The following ANGPT4 variants were observed in gnomAD, a reference collection of about 807,000 sequenced individuals.
ANGPT4 encodes angiopoietin-4.
A neutral mutation model predicts 53.0 loss-of-function variants in ANGPT4; 50 were observed. The ratio of observed to expected loss-of-function variants is 0.94; its 90% confidence interval spans 0.75 to 1.20. The LOEUF (loss-of-function observed/expected upper bound fraction) is 1.20, where lower values mean the gene tolerates loss of function less well. ANGPT4 is among the 50% of genes most tolerant of loss of function. The probability of loss-of-function intolerance (pLI) is 0.00; values close to 1 mark genes in which losing one functional copy is unlikely to be tolerated. For missense variants in ANGPT4, 648 were observed against 637.1 expected (o/e 1.02, Z -0.18); for synonymous variants, 251 against 259.7 (o/e 0.97, Z 0.32).
chr20:878,445 A>G, intron 6 of ANGPT4, 118 bp from the exon 7 acceptor site: 1 of 1,017,752 alleles, frequency 9.8e-7, no homozygotes. Context: ...GTGCTTAATG[A>G]TCGAGTTCAT....
rs1455130365 is a variant in ANGPT4 at position 908,005 on chromosome 20, G to A, written c.309+7901C>T. On this transcript the variant is annotated intron_variant, in intron 1 of 8. Transcript: ENST00000381922. The surrounding 1 kb of genome is among the most constrained non-coding windows in gnomAD (Gnocchi z 4.9). ...CGAGCATTACTCACAGCTGGTAAAG[G>A]AAGATTTTTAACTTAATGGCTGAGC... is the stretch of plus-strand genomic sequence containing the variant. Among the ~76,000 whole-genome samples, 1 of 152,168 alleles carries A rather than the reference G, an allele frequency of 6.6e-6. No homozygotes were observed. Among genetic ancestry groups the A allele is most frequent in the Non-Finnish European group, 1.5e-5 (1 of 68,036 alleles).
chr20:905,954 A>G (rs1468603639), intron 1 of ANGPT4, among the ~76,000 whole-genome samples: 1 of 152,182 alleles, frequency 6.6e-6, no homozygotes, highest in Non-Finnish European at 1.5e-5. Context: ...ATCTTGCCTA[A>G]GTGGCAAAGA....
intron 3 of ANGPT4, among the ~76,000 whole-genome samples, chr20:887,614 C>T (rs1469675079): frequency 6.9e-6 from 1 of 144,680 alleles, no homozygotes; most frequent in Non-Finnish European, 1.5e-5. Flanking sequence ...GATTTTTCTG[C>T]TTTATCTAAA....
chr20:884,442 TG>T (rs1981528218), intron 4 of ANGPT4, among the ~76,000 whole-genome samples: 1 of 152,186 alleles, frequency 6.6e-6, no homozygotes, highest in Non-Finnish European at 1.5e-5. Context: ...ACACAGTAAG[TG>T]CTTAGTAAAT....
At chr20:895,550 C>A (rs756853681) in intron 1 of ANGPT4, among the ~76,000 whole-genome samples, 16 of 152,106 alleles carry the variant, frequency 1.1e-4, no homozygotes, top group Non-Finnish European at 2.1e-4. Context: ...TTTTCACAGG[C>A]AGGGGCTGGG....
chr20:900,721 C>T (rs6039126), intron 1 of ANGPT4, among the ~76,000 whole-genome samples: 50,888 of 152,002 alleles, frequency 0.33, 11,643 homozygotes, highest in African/African-American at 0.65. Flanking sequence ...AGGTTGTTTT[C>T]ACCTAAATCA....
In ANGPT4 at chr20:916,041, C is replaced by T; in HGVS notation, c.174G>A (p.Gly58=). ...TGTTGGAGTCCCTGGAGACCTCAGG[C>T]CCCGGAGGGCAGGGCTCAGACTTGG... The part of the protein sequence containing the change: ...LLPKSEPCPP[G]PEVSRDSNTL... The change falls in exon 1 of 9, where the codon GGG becomes GGA. Residue 58 remains glycine, a synonymous_variant. Transcript: ENST00000381922. 7 of 1,614,188 alleles carry T rather than the reference C, an allele frequency of 4.3e-6. No individual in the cohort carries two copies. The highest frequency in any genetic ancestry group is 5.9e-6 in the Non-Finnish European group (7 of 1,180,022).
At chr20:876,861 A>G (rs2122760363) in intron 7 of ANGPT4, among the ~76,000 whole-genome samples, 1 of 151,552 alleles carries the variant, frequency 6.6e-6, no homozygotes, top group Non-Finnish European at 1.5e-5. Flanking sequence ...AACCTGGGCA[A>G]CATAGGGAAA....
At chr20:878,365 G>A (rs1450203077) in intron 6 of ANGPT4, 38 bp from the exon 7 acceptor site, 7 of 1,565,646 alleles carry the variant, frequency 4.5e-6, no homozygotes, top group Non-Finnish European at 6.1e-6. Flanking sequence ...CTCATGCTGA[G>A]GAGGAGGCCA....
intron 1 of ANGPT4, among the ~76,000 whole-genome samples, chr20:909,497 T>A (rs1247608176): frequency 2.0e-5 from 3 of 152,178 alleles, no homozygotes; most frequent in African/African-American, 7.2e-5. Flanking sequence ...AAAAGGAAAC[T>A]ATAGTAAGAT....
rs1982828970 is a variant in ANGPT4, at chr20:914,266, A to T, written c.309+1640T>A. ...TTAGGTAGGGATAAGTTCTAAGAAA[A>T]AAAAACACAACAAAGCCAGCAGAGG... On this transcript the variant is annotated intron_variant, in intron 1 of 8. Coordinates refer to ENST00000381922, the MANE Select transcript of ANGPT4 (RefSeq NM_015985.4). This position sits in a 1 kb window ranked among gnomAD's most constrained non-coding sequence, Gnocchi z 5.0. Among the ~76,000 whole-genome samples the T allele has an allele frequency of 6.6e-6, 1 of 152,112 alleles. No homozygotes were observed. The highest frequency in any genetic ancestry group is 1.5e-5 in the Non-Finnish European group (1 of 68,006).
rs974788023 is a variant in ANGPT4, at chr20:899,567, T to C, written c.310-9199A>G. On this transcript the variant is annotated intron_variant, in intron 1 of 8. Transcript: ENST00000381922. ...CGCCCCCGGCCTGGGACAACATTCT[T>C]TTATGCACTCTTTTTTAATTATCCC... 1.7e-4 allele frequency among the ~76,000 whole-genome samples: 26 copies of C among 151,986 alleles called. 1 individual carries two copies. The highest frequency in any genetic ancestry group is 5.3e-4 in the African/African-American group (22 of 41,368).
intron 1 of ANGPT4, among the ~76,000 whole-genome samples, chr20:915,038 C>T (rs758383617): frequency 5.3e-5 from 8 of 152,210 alleles, no homozygotes; most frequent in South Asian, 2.1e-4. Context: ...CTCCTAGCCC[C>T]GTTCTGCTCC....
At chr20:906,584 T>G (rs1982486630) in intron 1 of ANGPT4, among the ~76,000 whole-genome samples, 1 of 152,250 alleles carries the variant, frequency 6.6e-6, no homozygotes, top group African/African-American at 2.4e-5. Flanking sequence ...TTAACCCTCT[T>G]GCTTCTCTTC....
Position 914,705 on chromosome 20 carries a change from C to A in ANGPT4, c.309+1201G>T, listed in dbSNP as rs571027146. 3.3e-5 allele frequency among the ~76,000 whole-genome samples: 5 copies of A among 152,250 alleles called. No individual in the cohort carries two copies. In the South Asian group the frequency reaches 1.0e-3, roughly 32 times the overall value. The stretch of plus-strand genomic sequence containing the variant: ...CCAGACTGTCTCCTGGGTCCCTCTC[C>A]CTTTCCTTGGTAGCTCTCACTTAGG... On this transcript the variant is annotated intron_variant, in intron 1 of 8. Coordinates refer to ENST00000381922, the MANE Select transcript of ANGPT4 (RefSeq NM_015985.4). The surrounding 1 kb of genome is among the most constrained non-coding windows in gnomAD (Gnocchi z 5.0).
chr20:893,819 C>T (rs1050716543), intron 1 of ANGPT4, among the ~76,000 whole-genome samples: 3 of 152,118 alleles, frequency 2.0e-5, no homozygotes, highest in African/African-American at 4.8e-5. Flanking sequence ...TTTTTCTTAG[C>T]GGCCACACTC....
rs1982674893 is a variant in ANGPT4, at chr20:911,049, G to C, written c.309+4857C>G. Among the ~76,000 whole-genome samples, 1 of 152,114 alleles carries C rather than the reference G, an allele frequency of 6.6e-6. No individual in the cohort carries two copies. Among genetic ancestry groups the C allele is most frequent in the Non-Finnish European group, 1.5e-5 (1 of 68,016 alleles). On this transcript the variant is annotated intron_variant, in intron 1 of 8. Coordinates refer to ENST00000381922, the MANE Select transcript of ANGPT4 (RefSeq NM_015985.4). This position sits in a 1 kb window ranked among gnomAD's most constrained non-coding sequence, Gnocchi z 4.9. The stretch of plus-strand genomic sequence containing the variant: ...CGGCACCGAGACTCATTTCTTGTTT[G>C]GATAACTGAAGGCTGAAAATGCCAA...
chr20:902,148 G>C (rs141877368), intron 1 of ANGPT4, among the ~76,000 whole-genome samples: 9 of 152,274 alleles, frequency 5.9e-5, no homozygotes, highest in African/African-American at 2.2e-4. Flanking sequence ...TCAATAGGGT[G>C]ATGGTGATGG....
At position 872,682 on chromosome 20, in the gene ANGPT4, C is replaced by T. The variant is rs777012823; in HGVS notation, c.*278G>A. 6 of 447,366 alleles carry T rather than the reference C, an allele frequency of 1.3e-5. No individual in the cohort carries two copies. The highest frequency in any genetic ancestry group is 3.6e-5 in the Admixed American group (1 of 27,730). 27.7% of individuals were successfully genotyped at this position (447,366 alleles called of 1,614,324 possible). A position where few individuals can be genotyped will look rare whatever the true frequency, so the allele number is the denominator to read the frequency against. On this transcript the variant is annotated 3_prime_UTR_variant, in exon 9 of 9. Transcript: ENST00000381922. ...GTCTGTTCTCAGCCCATTCAAGGTA[C>T]TGTGACCCTCAGGCAGGGAGCCCCT...
Sources: gnomAD v4.1 joint callset for allele counts (sites outside exome capture counted in the v4.1 genomes callset) on GRCh38, gnomAD v4.1.1 for gene constraint, Gnocchi (gnomAD v3.1) non-coding constraint, MANE v1.5 for transcripts, NCBI Gene and HGNC (gene_info 2026-07-23, HGNC 2026-07-21) for gene names.